Variants in DOK5 observed in about 807,000 individuals in gnomAD.
DOK5 encodes the protein docking protein 5, also known as downstream of tyrosine kinase 5.
A neutral mutation model predicts 43.3 loss-of-function variants in DOK5; 27 were observed. The ratio of observed to expected loss-of-function variants is 0.62; its 90% CI spans 0.46 to 0.86. DOK5 has a LOEUF of 0.86. Among genes scored for constraint, DOK5 ranks in the 40% least tolerant of loss-of-function variants. The pLI, the probability that DOK5 is intolerant of heterozygous loss-of-function variation, is 0.00. For synonymous variants in DOK5, 146 were observed against 140.1 expected, an observed-to-expected ratio of 1.04 and a Z score of -0.30; for missense variants, 373 against 392.9, an observed-to-expected ratio of 0.95 and a Z score of 0.43.
intron 1 of DOK5, among the ~76,000 whole-genome samples, chr20:54,521,993 A>G (rs530602225): frequency 1.4e-4 from 21 of 152,192 alleles, no homozygotes; most frequent in Non-Finnish European, 2.8e-4. Flanking sequence ...ACTGCTTCAT[A>G]TTGTTCTTGG....
chr20:54,637,852 G>T (rs144455553), intron 6 of DOK5, among the ~76,000 whole-genome samples: 3 of 152,214 alleles, frequency 2.0e-5, no homozygotes, highest in Non-Finnish European at 1.5e-5. Flanking sequence ...GCCGGGCGCG[G>T]TGGCTCACGC....
chr20:54,513,544 A>G (rs545790565), intron 1 of DOK5, among the ~76,000 whole-genome samples: 2 of 150,448 alleles, frequency 1.3e-5, no homozygotes, highest in East Asian at 3.9e-4. Context: ...TATTGCTTTC[A>G]TTTATTCACT....
rs138222858 is a variant in DOK5 at position 54,583,698 on chromosome 20, A to AC, written c.175-4781dup. ...TATTTAATCTGATATAAGTATTGCC[A>AC]CCCCTACTCTTCTTTTGACTGCTGT... On this transcript the variant is annotated intron_variant, in intron 2 of 7. Transcript: ENST00000262593. Among the ~76,000 whole-genome samples, 43 of 151,986 alleles carry AC rather than the reference A, an allele frequency of 2.8e-4. 1 individual carries two copies. In the East Asian group the frequency reaches 6.7e-3, roughly 24 times the overall value.
At chr20:54,559,412 C>T (rs755962388) in intron 2 of DOK5, among the ~76,000 whole-genome samples, 2 of 152,206 alleles carry the variant, frequency 1.3e-5, no homozygotes, top group Non-Finnish European at 2.9e-5. Flanking sequence ...TTTGCTTCCT[C>T]ATCATCACAT....
chr20:54,616,915 G>A lies in DOK5; in HGVS notation c.735+6392G>A, dbSNP rs139451721. 7.3e-3 allele frequency among the ~76,000 whole-genome samples: 1,092 copies of A among 150,176 alleles called. 10 individuals are homozygous for A. The highest frequency in any genetic ancestry group is 0.012 in the Non-Finnish European group (832 of 67,754). ...CACCATTCTCCTGCCTCAGCCTCCC[G>A]AGTAGCTGAGACTACAGGCGCCTGC... On this transcript the variant is annotated intron_variant, in intron 6 of 7. Coordinates refer to ENST00000262593, the MANE Select transcript of DOK5 (RefSeq NM_018431.5).
chr20:54,595,496 T>C (rs1986113532), intron 5 of DOK5, among the ~76,000 whole-genome samples: 1 of 152,192 alleles, frequency 6.6e-6, no homozygotes, highest in African/African-American at 2.4e-5. Context: ...TCAATGGTCT[T>C]TACCAACATG....
chr20:54,650,398 A>G lies in DOK5; in HGVS notation c.857-17A>G, dbSNP rs1335859829. 2 of 1,613,330 alleles carry G rather than the reference A, an allele frequency of 1.2e-6. No individual in the cohort carries two copies. Among genetic ancestry groups the G allele is most frequent in the East Asian group, 4.5e-5 (2 of 44,852 alleles). ...TCTTGAAATGTAACTGTTGATTTTA[A>G]ATTCTTTTTGGAAAAGATGTTTCCA... On this transcript the variant is annotated splice_polypyrimidine_tract_variant and intron_variant, in intron 7 of 7. Transcript: ENST00000262593.
chr20:54,615,459 CAA>C (rs1986776475), intron 6 of DOK5, among the ~76,000 whole-genome samples: 1 of 151,980 alleles, frequency 6.6e-6, no homozygotes, highest in African/African-American at 2.4e-5. Flanking sequence ...AAGAGGGAAA[CAA>C]GAGGAGTCAA....
chr20:54,489,131 GT>G (rs1982064281), intron 1 of DOK5, among the ~76,000 whole-genome samples: 1 of 152,148 alleles, frequency 6.6e-6, no homozygotes, highest in East Asian at 1.9e-4. Flanking sequence ...TCTCATAGTT[GT>G]TTATATATAA....
chr20:54,567,437 T>G (rs887388049), intron 2 of DOK5, among the ~76,000 whole-genome samples: 3 of 152,188 alleles, frequency 2.0e-5, no homozygotes, highest in Admixed American at 6.5e-5. Context: ...TTGAAAAAAA[T>G]TATTCTTTCC....
rs2051267931 is a variant in DOK5, at chr20:54,578,484, C to T, written c.175-9999C>T. On this transcript the variant is annotated intron_variant, in intron 2 of 7. Transcript: ENST00000262593. Reference sequence around the variant, plus strand: ...TCAAATGATTAATTTGAAGGAGTAACCAGGCAGGTAACAGCCCAGAAAATA... The same window carrying T: ...TCAAATGATTAATTTGAAGGAGTAATCAGGCAGGTAACAGCCCAGAAAATA... 1.3e-5 allele frequency among the ~76,000 whole-genome samples: 2 copies of T among 152,036 alleles called. 1 individual carries two copies. The highest frequency in any genetic ancestry group is 4.1e-4 in the South Asian group (2 of 4,820).
intron 1 of DOK5, among the ~76,000 whole-genome samples, chr20:54,543,308 T>G: frequency 7.6e-6 from 1 of 132,364 alleles, no homozygotes; most frequent in Non-Finnish European, 1.5e-5. Flanking sequence ...AGGAGGCAAA[T>G]CTAGCTTCGT....
intron 5 of DOK5, among the ~76,000 whole-genome samples, chr20:54,593,252 G>A (rs1986036568): frequency 7.2e-6 from 1 of 139,032 alleles, no homozygotes; most frequent in Non-Finnish European, 1.5e-5. Context: ...GCGAGACTCT[G>A]TCTCCCAGAA....
At chr20:54,588,619 G>T in intron 3 of DOK5, 22 bp downstream of exon 3, 1 of 1,614,108 alleles carries the variant, frequency 6.2e-7, no homozygotes, top group Non-Finnish European at 8.5e-7. Flanking sequence ...GCAGGGCTGG[G>T]GGGCTTTTGC....
chr20:54,534,733 C>T (rs1198555305), intron 1 of DOK5, among the ~76,000 whole-genome samples: 1 of 152,204 alleles, frequency 6.6e-6, no homozygotes, highest in East Asian at 1.9e-4. Context: ...CTTAATATCT[C>T]TCATCCTTAA....
intron 6 of DOK5, among the ~76,000 whole-genome samples, chr20:54,635,031 C>G (rs1257553176): frequency 1.1e-4 from 17 of 152,140 alleles, no homozygotes; most frequent in Admixed American, 1.1e-3. Flanking sequence ...CAAAAGTTAA[C>G]CTGAAAAACC....
chr20:54,580,424 A>C (rs553057803), intron 2 of DOK5, among the ~76,000 whole-genome samples: 29 of 152,176 alleles, frequency 1.9e-4, no homozygotes, highest in African/African-American at 7.0e-4. Context: ...GAACCTCCAC[A>C]CTCTTTCCCT....
intron 5 of DOK5, among the ~76,000 whole-genome samples, chr20:54,602,416 C>T (rs373053669): frequency 3.3e-5 from 5 of 152,148 alleles, no homozygotes; most frequent in East Asian, 1.9e-4. Context: ...GGAACTAGAC[C>T]TGTGTTTCCA....
At chr20:54,646,739 GA>G (rs1418796664) in intron 7 of DOK5, among the ~76,000 whole-genome samples, 1 of 152,080 alleles carries the variant, frequency 6.6e-6, no homozygotes, top group Non-Finnish European at 1.5e-5. Flanking sequence ...ATACCCCTTA[GA>G]AAAAGGAAAT....
Sources: allele counts gnomAD v4.1 joint callset (sites outside exome capture counted in the v4.1 genomes callset), GRCh38; gene constraint gnomAD v4.1.1; transcripts MANE v1.5; gene names NCBI Gene and HGNC (gene_info 2026-07-23, HGNC 2026-07-21).